The following CFLAR variants were observed in gnomAD, a reference collection of about 807,000 sequenced individuals.
CFLAR encodes CASP8 and FADD-like apoptosis regulator.
CFLAR carries 14 observed loss-of-function variants against 51.1 expected under a neutral mutation model. That is an observed-to-expected ratio of 0.27 (90% confidence interval 0.18 to 0.43). The LOEUF (loss-of-function observed/expected upper bound fraction) is 0.43, where lower values mean the gene tolerates loss of function less well. Ranked by LOEUF, CFLAR falls within the 20% of genes least tolerant of loss-of-function variation. CFLAR has a pLI of 1.00. For missense variants in CFLAR, 390 were observed against 566.5 expected (o/e 0.69, Z 3.16); for synonymous variants, 210 against 211.6 (o/e 0.99, Z 0.06).
intron 4 of CFLAR, 34 bp from the exon 5 acceptor site, chr2:201,140,323 G>C (rs370052372): frequency 1.3e-6 from 2 of 1,587,944 alleles, no homozygotes; most frequent in Non-Finnish European, 1.7e-6. Flanking sequence ...TAATTTGTAA[G>C]TTTTAACTCA....
Position 201,163,985 on chromosome 2 carries a change from G to C in CFLAR, c.*12G>C, listed in dbSNP as rs1045712604. ...TCTCCTACACATAAGAAACCAAAAG[G>C]CTGGGCGTAGTGGCTCACACCTGTA... On this transcript the variant is annotated 3_prime_UTR_variant, in exon 10 of 10. Coordinates refer to ENST00000309955, the MANE Select transcript of CFLAR (RefSeq NM_003879.7). The C allele has an allele frequency of 5.0e-6, 8 of 1,609,524 alleles. No homozygotes were observed. Among genetic ancestry groups the C allele is most frequent in the East Asian group, 2.2e-5 (1 of 44,766 alleles).
chr2:201,132,331 T>A (rs901419512), intron 2 of CFLAR, among the ~76,000 whole-genome samples: 2 of 151,934 alleles, frequency 1.3e-5, no homozygotes, highest in Non-Finnish European at 1.5e-5. Flanking sequence ...ATGGCCTTGA[T>A]GACAATGTCA....
intron 5 of CFLAR, chr2:201,142,633 C>T (rs1048787077): frequency 6.6e-6 from 1 of 152,532 alleles, no homozygotes; most frequent in Non-Finnish European, 1.5e-5. Context: ...GAGTTTCGTT[C>T]TTGTTGCCCA....
rs531412579 is a variant in CFLAR at position 201,127,585 on chromosome 2, A to T, written c.-137-2144A>T. Among the ~76,000 whole-genome samples, 9 of 152,286 alleles carry T rather than the reference A, an allele frequency of 5.9e-5. No homozygotes were observed. In the South Asian group the frequency reaches 1.9e-3, roughly 32 times the overall value. ...CTTAAACCCCAACAAAGTGGTGATT[A>T]TTCGGACCCCAGCCCTACCTCTCCC... On this transcript the variant is annotated intron_variant, in intron 1 of 9. Coordinates refer to ENST00000309955, the MANE Select transcript of CFLAR (RefSeq NM_003879.7).
intron 9 of CFLAR, chr2:201,163,250 A>G (rs1943236600): frequency 1.5e-6 from 2 of 1,295,718 alleles, no homozygotes; most frequent in African/African-American, 1.5e-5. Context: ...GTTTATTGGC[A>G]AGAATACTTT....
intron 1 of CFLAR, among the ~76,000 whole-genome samples, chr2:201,123,703 G>A (rs1445142182): frequency 2.0e-5 from 3 of 152,156 alleles, no homozygotes; most frequent in East Asian, 1.9e-4. Context: ...TATAAAATAT[G>A]ACTTCTAATT....
chr2:201,171,760 T>C lies in CFLAR; in HGVS notation c.*7787T>C, dbSNP rs1461752894. On this transcript the variant is annotated 3_prime_UTR_variant, in exon 10 of 10. Transcript: ENST00000309955. ...AACATTGGAAGTCTTTCTCTGACTG[T>C]CTAGTTGGTATCTTCATTTTCAGCT... is the stretch of plus-strand genomic sequence containing the variant. 3 of 152,110 alleles carry C rather than the reference T, an allele frequency of 2.0e-5. No homozygotes were observed. The highest frequency in any genetic ancestry group is 4.4e-5 in the Non-Finnish European group (3 of 68,016). The allele number at this position is 152,110 out of a possible 1,614,324, so 9.4% of individuals were successfully genotyped here. A position where few individuals can be genotyped will look rare whatever the true frequency, so the allele number is the denominator to read the frequency against.
chr2:201,133,834 G>A (rs1039419933), intron 3 of CFLAR, among the ~76,000 whole-genome samples: 7 of 150,678 alleles, frequency 4.6e-5, no homozygotes, highest in Non-Finnish European at 4.4e-5. Context: ...GGGAGGCTGA[G>A]GCAAGAGAAT....
rs1356276838 is a variant in CFLAR, at chr2:201,167,513, A to T, written c.*3540A>T. The T allele has an allele frequency of 6.6e-6, 1 of 152,186 alleles. No homozygotes were observed. Among genetic ancestry groups the T allele is most frequent in the Non-Finnish European group, 1.5e-5 (1 of 68,038 alleles). 9.4% of individuals were successfully genotyped at this position (152,186 alleles called of 1,614,324 possible). On this transcript the variant is annotated 3_prime_UTR_variant, in exon 10 of 10. Transcript: ENST00000309955. Reference sequence around the variant, plus strand: ...AGAGTGAGACCCTGTTTCAGAAAAAATAAATAAATAAAACCACCAGCACCA... The same window carrying T: ...AGAGTGAGACCCTGTTTCAGAAAAATTAAATAAATAAAACCACCAGCACCA...
At chr2:201,129,612 A>G (rs1260872000) in intron 1 of CFLAR, 117 bp from the exon 2 acceptor site, 3 of 497,256 alleles carry the variant, frequency 6.0e-6, no homozygotes, top group Admixed American at 3.4e-5. Context: ...ATCCCTTTCT[A>G]TAGAACTTAA....
In CFLAR at chr2:201,133,143, T is replaced by C. The variant is rs375217584; in HGVS notation, c.387+9T>C. ...AGATAAGCAAGGAGAAGGTGAGTTTTCTTCTTTTGGTTCATGGCCCCAGGA... is the reference window on the plus strand; with the variant it reads ...AGATAAGCAAGGAGAAGGTGAGTTTCCTTCTTTTGGTTCATGGCCCCAGGA... On this transcript the variant is annotated intron_variant, in intron 3 of 9. Transcript: ENST00000309955. 1 of 1,606,518 alleles carries C rather than the reference T, an allele frequency of 6.2e-7. No individual in the cohort carries two copies. Among genetic ancestry groups the C allele is most frequent in the Non-Finnish European group, 8.5e-7 (1 of 1,173,640 alleles).
Position 201,138,140 on chromosome 2 carries a change from G to T in CFLAR, c.523+2033G>T. On this transcript the variant is annotated intron_variant, in intron 4 of 9. Transcript: ENST00000309955. This position sits in a 1 kb window ranked among gnomAD's most constrained non-coding sequence, Gnocchi z 4.0. ...AGCGTCAATCAGGTTGTTGGCCTGG[G>T]CTGCTGTCACCACGTTCCCCCCAAT... 2.5e-6 allele frequency: 2 copies of T among 810,170 alleles called. No individual in the cohort carries two copies. The highest frequency in any genetic ancestry group is 4.4e-6 in the Non-Finnish European group (2 of 452,636). 50.2% of individuals were successfully genotyped at this position (810,170 alleles called of 1,614,324 possible). A position where few individuals can be genotyped will look rare whatever the true frequency, so the allele number is the denominator to read the frequency against.
At chr2:201,123,273 T>A (rs1020213753) in intron 1 of CFLAR, among the ~76,000 whole-genome samples, 1 of 152,264 alleles carries the variant, frequency 6.6e-6, no homozygotes, top group Admixed American at 6.5e-5. Context: ...GGGAGCTTCC[T>A]TGAGAGTCAT....
At chr2:201,140,548 G>A in intron 5 of CFLAR, 109 bp downstream of exon 5, 1 of 788,770 alleles carries the variant, frequency 1.3e-6, no homozygotes, top group Non-Finnish European at 2.0e-6. Context: ...TGAAAAAATT[G>A]TGATAGAAAT....
chr2:201,155,206 G>C (rs1055587976), intron 8 of CFLAR, among the ~76,000 whole-genome samples: 1 of 152,018 alleles, frequency 6.6e-6, no homozygotes, highest in African/African-American at 2.4e-5. Flanking sequence ...CTAAAGCTCT[G>C]GTTGTTTTTA....
rs149769889 is a variant in CFLAR, at chr2:201,130,021, C to T, written c.156C>T (p.Val52=). The T allele has an allele frequency of 2.1e-5, 34 of 1,613,980 alleles. No homozygotes were observed. The highest frequency in any genetic ancestry group is 2.7e-5 in the African/African-American group (2 of 74,898). The part of the protein sequence containing the change: ...DILRERGKLS[V]GDLAELLYRV... The stretch of plus-strand genomic sequence containing the variant: ...TACGGGAAAGAGGTAAGCTGTCTGT[C>T]GGGGACTTGGCTGAACTGCTCTACA... Residue 52 remains valine, a synonymous_variant, in exon 2 of 10, where the codon GTC becomes GTT. Coordinates refer to ENST00000309955, the MANE Select transcript of CFLAR (RefSeq NM_003879.7).
rs1016140677 is a variant in CFLAR, at chr2:201,165,215, C to T, written c.*1242C>T. On this transcript the variant is annotated 3_prime_UTR_variant, in exon 10 of 10. Coordinates refer to ENST00000309955, the MANE Select transcript of CFLAR (RefSeq NM_003879.7). ...TTGATAGTGTGACCTAAAAGGGGACCATTGTTTGAAATATCATTAGAGTTG... is the reference window on the plus strand; with the variant it reads ...TTGATAGTGTGACCTAAAAGGGGACTATTGTTTGAAATATCATTAGAGTTG... The T allele has an allele frequency of 1.3e-5, 2 of 150,762 alleles. No individual in the cohort carries two copies. Among genetic ancestry groups the T allele is most frequent in the African/African-American group, 4.9e-5 (2 of 40,940 alleles). 9.3% of individuals were successfully genotyped at this position (150,762 alleles called of 1,614,324 possible). A position where few individuals can be genotyped will look rare whatever the true frequency, so the allele number is the denominator to read the frequency against.
chr2:201,145,901 C>A (rs1940041535), intron 6 of CFLAR, among the ~76,000 whole-genome samples: 3 of 152,176 alleles, frequency 2.0e-5, no homozygotes, highest in Admixed American at 6.5e-5. Context: ...GTCATTTCAA[C>A]CCGCATGAGC....
At position 201,144,476 on chromosome 2, in the gene CFLAR, G is replaced by A. The variant is rs990705930; in HGVS notation, c.607-902G>A. Among the ~76,000 whole-genome samples, 3 of 152,262 alleles carry A rather than the reference G, an allele frequency of 2.0e-5. No homozygotes were observed. In the East Asian group the frequency reaches 5.8e-4, roughly 29 times the overall value. ...CTGGACATTTATTATGTACTTCCAT[G>A]TGCTTGGCACTGTGCTGAGTGCTTT... On this transcript the variant is annotated intron_variant, in intron 5 of 9. Coordinates refer to ENST00000309955, the MANE Select transcript of CFLAR (RefSeq NM_003879.7).
Sources: gnomAD v4.1 joint callset for allele counts (sites outside exome capture counted in the v4.1 genomes callset) on GRCh38, gnomAD v4.1.1 for gene constraint, Gnocchi (gnomAD v3.1) non-coding constraint, MANE v1.5 for transcripts, NCBI Gene and HGNC (gene_info 2026-07-23, HGNC 2026-07-21) for gene names.